The following CDC14A variants were observed in gnomAD, a reference collection of about 807,000 sequenced individuals.
CDC14A encodes dual specificity protein phosphatase CDC14A.
A neutral mutation model predicts 74.4 loss-of-function variants in CDC14A; 53 were observed. The observed-to-expected ratio is 0.71, with a 90% CI of 0.57 to 0.89. The LOEUF (loss-of-function observed/expected upper bound fraction) is 0.89. CDC14A is among the 40% of genes least tolerant of loss of function. CDC14A has a pLI of 0.00. For missense variants in CDC14A, 646 were observed against 713.7 expected, an observed-to-expected ratio of 0.91 and a Z score of 1.08; for synonymous variants, 247 against 258.4, an observed-to-expected ratio of 0.96 and a Z score of 0.43.
At chr1:100,389,016 A>T (rs374181944) in intron 3 of CDC14A, among the ~76,000 whole-genome samples, 92 of 151,924 alleles carry the variant, frequency 6.1e-4, no homozygotes, top group African/African-American at 2.2e-3. Flanking sequence ...CTCTACGAAA[A>T]ATACAAATAT....
upstream of CDC14A, among the ~76,000 whole-genome samples, chr1:100,348,062 T>A (rs1024900692): frequency 6.6e-6 from 1 of 152,086 alleles, no homozygotes; most frequent in African/African-American, 2.4e-5. Flanking sequence ...GGTGGGCGGA[T>A]CACGAGGTCA....
chr1:100,499,664 G>C (rs1018642694), intron 15 of CDC14A, among the ~76,000 whole-genome samples: 3 of 152,132 alleles, frequency 2.0e-5, no homozygotes, highest in Non-Finnish European at 4.4e-5. Flanking sequence ...CTGGGGGTGC[G>C]CTGGTTTGGG....
At chr1:100,436,427 T>G (rs1664346666) in intron 5 of CDC14A, among the ~76,000 whole-genome samples, 1 of 152,042 alleles carries the variant, frequency 6.6e-6, no homozygotes, top group Non-Finnish European at 1.5e-5. Context: ...TATCATTTTT[T>G]TTTTTGGTTT....
intron 10 of CDC14A, among the ~76,000 whole-genome samples, chr1:100,480,656 T>C (rs936401661): frequency 4.6e-5 from 7 of 152,196 alleles, no homozygotes; most frequent in Non-Finnish European, 8.8e-5. Context: ...TTACCATGAA[T>C]GGTTTTTGTT....
In CDC14A at chr1:100,462,866, G is replaced by A. The variant is rs754924108; in HGVS notation, c.823G>A (p.Ala275Thr). Residue 275 changes from alanine to threonine, a missense_variant, in exon 9 of 16, where the codon GCC (alanine) becomes ACC (threonine). Ala to Thr is a moderately conservative substitution (Grantham distance 58). Transcript: ENST00000336454. ...CTGTGAGAACACCGAAGGGGCCATC[G>A]CCGTTCACTGCAAAGGTGTGTGCAA... Reference protein sequence around the residue: ...NICENTEGAIAVHCKAGLGRT... With the variant: ...NICENTEGAITVHCKAGLGRT... 8 of 1,613,532 alleles carry A rather than the reference G, an allele frequency of 5.0e-6. No homozygotes were observed. The highest frequency in any genetic ancestry group is 4.0e-5 in the African/African-American group (3 of 74,876).
intron 12 of CDC14A, 111 bp downstream of exon 12, chr1:100,495,041 C>T: frequency 3.2e-6 from 2 of 617,024 alleles, no homozygotes; most frequent in South Asian, 2.1e-5. Context: ...TCTACAAATA[C>T]TAAGTTTACT....
chr1:100,506,378 T>C (rs1405993604), intron 15 of CDC14A, among the ~76,000 whole-genome samples: 2 of 151,768 alleles, frequency 1.3e-5, no homozygotes, highest in African/African-American at 4.8e-5. Flanking sequence ...AATCTCAGTA[T>C]TGAACCACAT....
intron 8 of CDC14A, among the ~76,000 whole-genome samples, chr1:100,456,172 A>C (rs1666662329): frequency 1.3e-5 from 2 of 152,222 alleles, no homozygotes; most frequent in Admixed American, 1.3e-4. Context: ...ACAGTGGTTA[A>C]ACTACTTATT....
intron 4 of CDC14A, among the ~76,000 whole-genome samples, chr1:100,412,725 T>TTATA (rs1453619061): frequency 1.2e-5 from 1 of 82,956 alleles, no homozygotes; most frequent in African/African-American, 9.0e-5. Context: ...TATATATATT[T>TTATA]TATATATATA....
chr1:100,463,422 T>A (rs534727553), intron 9 of CDC14A, among the ~76,000 whole-genome samples: 1 of 152,314 alleles, frequency 6.6e-6, no homozygotes, highest in South Asian at 2.1e-4. Context: ...CTTACAATGC[T>A]GCTGATGTGA....
intron 9 of CDC14A, among the ~76,000 whole-genome samples, chr1:100,463,167 T>C (rs541741576): frequency 3.3e-5 from 5 of 152,328 alleles, no homozygotes; most frequent in African/African-American, 1.2e-4. Context: ...GCAGTGTCTT[T>C]AGGCTGCAGG....
chr1:100,364,814 A>G (rs17454919), intron 2 of CDC14A, among the ~76,000 whole-genome samples: 51,271 of 152,054 alleles, frequency 0.34, 10,070 homozygotes, highest in East Asian at 0.51. Context: ...GTTTTTATTA[A>G]CTGACCTTCT....
At chr1:100,458,614 A>G (rs1380130813) in intron 8 of CDC14A, among the ~76,000 whole-genome samples, 1 of 152,090 alleles carries the variant, frequency 6.6e-6, no homozygotes, top group Non-Finnish European at 1.5e-5. Flanking sequence ...AACTTTGTAA[A>G]TGCTTTTTGA....
chr1:100,499,341 C>T lies in CDC14A; in HGVS notation c.1755+79C>T, dbSNP rs748746775. 25 of 1,613,576 alleles carry T rather than the reference C, an allele frequency of 1.5e-5. No individual in the cohort carries two copies. In the African/African-American group the frequency reaches 2.8e-4, roughly 18 times the overall value. On this transcript the variant is annotated intron_variant, in intron 15 of 15. Transcript: ENST00000336454. The stretch of plus-strand genomic sequence containing the variant: ...TGCCTTGCCTTCCCAGCCGAGGCTG[C>T]CACCAAAGAAATTTAATAGTGCCAA...
intron 15 of CDC14A, among the ~76,000 whole-genome samples, chr1:100,506,837 T>G (rs1451749003): frequency 6.6e-6 from 1 of 152,210 alleles, no homozygotes; most frequent in East Asian, 1.9e-4. Context: ...ATCTTGCATC[T>G]TATTTTTTTG....
chr1:100,384,058 C>T (rs1300702162), intron 3 of CDC14A, among the ~76,000 whole-genome samples: 3 of 152,128 alleles, frequency 2.0e-5, no homozygotes, highest in Non-Finnish European at 2.9e-5. Flanking sequence ...TGCAGCTTGT[C>T]ATTATTTTTT....
chr1:100,428,628 C>T (rs1177630611), intron 5 of CDC14A, among the ~76,000 whole-genome samples: 5 of 152,138 alleles, frequency 3.3e-5, no homozygotes, highest in African/African-American at 9.7e-5. Flanking sequence ...CCCCAGGAGA[C>T]CAGTGACCCT....
chr1:100,437,617 T>C lies in CDC14A; in HGVS notation c.390-2315T>C, dbSNP rs540479147. ...AGTTCTGTCGGATGGCATGTTAACTTTCCCTCCCAACTTTGGAGGCCTGCA... is the reference window on the plus strand; with the variant it reads ...AGTTCTGTCGGATGGCATGTTAACTCTCCCTCCCAACTTTGGAGGCCTGCA... On this transcript the variant is annotated intron_variant, in intron 5 of 15. Coordinates refer to ENST00000336454, the MANE Select transcript of CDC14A (RefSeq NM_003672.4). Among the ~76,000 whole-genome samples the C allele has an allele frequency of 4.4e-3, 672 of 152,314 alleles. 3 individuals are homozygous for C. Among genetic ancestry groups the C allele is most frequent in the African/African-American group, 0.015 (624 of 41,568 alleles).
At chr1:100,417,595 C>A (rs951982092) in intron 4 of CDC14A, among the ~76,000 whole-genome samples, 1 of 152,148 alleles carries the variant, frequency 6.6e-6, no homozygotes, top group African/African-American at 2.4e-5. Context: ...AAATACAAAT[C>A]ATATGACCTA....
Sources: gnomAD v4.1 joint callset for allele counts (sites outside exome capture counted in the v4.1 genomes callset) on GRCh38, gnomAD v4.1.1 for gene constraint, MANE v1.5 for transcripts, NCBI Gene and HGNC (gene_info 2026-07-23, HGNC 2026-07-21) for gene names.